The following ZSWIM9 variants were observed in gnomAD, a reference collection of about 807,000 sequenced individuals.
The protein encoded by ZSWIM9 is uncharacterized protein ZSWIM9.
In ZSWIM9, 11 loss-of-function variants were observed where a neutral mutation model predicts 25.0. The ratio of observed to expected loss-of-function variants is 0.44; its 90% CI spans 0.28 to 0.73. ZSWIM9 has a LOEUF of 0.73. ZSWIM9 is among the 30% of genes least tolerant of loss of function. ZSWIM9 has a pLI of 0.16. For synonymous variants in ZSWIM9, 562 were observed against 582.1 expected, an observed-to-expected ratio of 0.97 and a Z score of 0.50; for missense variants, 1,070 against 1,296.5, an observed-to-expected ratio of 0.83 and a Z score of 2.68.
Position 48,171,986 on chromosome 19 carries a change from C to T in ZSWIM9, c.184C>T (p.Pro62Ser). The T allele has an allele frequency of 5.2e-6, 8 of 1,531,630 alleles. No individual in the cohort carries two copies. Among genetic ancestry groups the T allele is most frequent in the Non-Finnish European group, 7.0e-6 (8 of 1,144,916 alleles). The allele number at this position is 1,531,630 out of a possible 1,614,324, so 94.9% of individuals were successfully genotyped here. Reference protein sequence around the residue: ...HLARCRWASAPPLYTLIDVLK... With the variant: ...HLARCRWASASPLYTLIDVLK... ...GGCGCGCTGCCGCTGGGCCAGTGCG[C>T]CCCCGCTCTACACGCTCATCGACGT... Residue 62 changes from proline to serine, a missense_variant, in exon 2 of 4, where the codon CCC becomes TCC. By Grantham distance (74) the Pro-to-Ser change is moderately conservative. This residue lies in a region of ZSWIM9 where 265 missense variants were observed against 339.0 expected (regional missense o/e 0.78). Coordinates refer to ENST00000614654, the MANE Select transcript of ZSWIM9 (RefSeq NM_199341.4).
rs901941175 is a variant in ZSWIM9 at position 48,197,344 on chromosome 19, T to C, written c.*517T>C. 1.2e-4 allele frequency: 85 copies of C among 691,570 alleles called. No individual in the cohort carries two copies. The highest frequency in any genetic ancestry group is 2.2e-4 in the Non-Finnish European group (82 of 379,586). 42.8% of individuals were successfully genotyped at this position (691,570 alleles called of 1,614,324 possible). A position where few individuals can be genotyped will look rare whatever the true frequency, so the allele number is the denominator to read the frequency against. On this transcript the variant is annotated 3_prime_UTR_variant, in exon 4 of 4. Coordinates refer to ENST00000614654, the MANE Select transcript of ZSWIM9 (RefSeq NM_199341.4). ...AAGCAAAGAGACAGAAATGAAGACA[T>C]GAGGAAAAGCTGGGGGAAGCAGGAG...
At chr19:48,176,079 G>A (rs190098696) in intron 2 of ZSWIM9, among the ~76,000 whole-genome samples, 84 of 152,266 alleles carry the variant, frequency 5.5e-4, no homozygotes, top group African/African-American at 2.0e-3. Context: ...GGTGGCAGGT[G>A]CCTGTAATCC....
chr19:48,175,624 G>C (rs185800389), intron 2 of ZSWIM9, among the ~76,000 whole-genome samples: 1 of 152,100 alleles, frequency 6.6e-6, no homozygotes, highest in South Asian at 2.1e-4. Context: ...CTCTGGGGCC[G>C]TGTGGGAGAC....
chr19:48,175,710 TC>T (rs2036885731), intron 2 of ZSWIM9, among the ~76,000 whole-genome samples: 1 of 152,032 alleles, frequency 6.6e-6, no homozygotes. Flanking sequence ...AGAACTTTCT[TC>T]CTGTCCACTC....
At chr19:48,178,151 G>C (rs1051107880) in intron 2 of ZSWIM9, among the ~76,000 whole-genome samples, 31 of 152,172 alleles carry the variant, frequency 2.0e-4, no homozygotes, top group Non-Finnish European at 7.3e-5. Context: ...GCCCGCCTTG[G>C]CCTCCCAAAG....
intron 3 of ZSWIM9, among the ~76,000 whole-genome samples, chr19:48,192,498 T>TATATATATATATATATACACACAC (rs369454865): frequency 1.4e-4 from 3 of 20,766 alleles, no homozygotes; most frequent in African/African-American, 2.8e-4. Flanking sequence ...TATATATATA[T>TATATATATATATATATACACACAC]ACACACACAC....
chr19:48,172,142 G>GGGGGGC, intron 2 of ZSWIM9, 65 bp downstream of exon 2: 4 of 546,392 alleles, frequency 7.3e-6, no homozygotes, highest in South Asian at 1.8e-5. Context: ...GTGTGGGTGG[G>GGGGGGC]AGACGGGCAG....
chr19:48,185,288 C>T (rs369019046), intron 3 of ZSWIM9, among the ~76,000 whole-genome samples: 2 of 151,940 alleles, frequency 1.3e-5, no homozygotes, highest in Admixed American at 6.6e-5. Flanking sequence ...TACAGGCATG[C>T]GCCACCATGC....
chr19:48,195,233 G>T lies in ZSWIM9; in HGVS notation c.1169G>T (p.Arg390Leu), dbSNP rs1478882492. The T allele has an allele frequency of 6.5e-7, 1 of 1,528,680 alleles. No individual in the cohort carries two copies. The highest frequency in any genetic ancestry group is 8.7e-7 in the Non-Finnish European group (1 of 1,142,888). The allele number at this position is 1,528,680 out of a possible 1,614,324, so 94.7% of individuals were successfully genotyped here. Residue 390 changes from arginine (R) to leucine (L), a missense_variant, in exon 4 of 4, where the codon CGC becomes CTC. Arg to Leu is a moderately radical substitution (Grantham distance 102). Around this residue, in one of 4 missense-constraint regions of ZSWIM9, gnomAD observed 184 missense variants for 243.1 expected, o/e 0.76. Coordinates refer to ENST00000614654, the MANE Select transcript of ZSWIM9 (RefSeq NM_199341.4). The surrounding 1 kb of genome is among the most constrained non-coding windows in gnomAD (Gnocchi z 5.8). ...NWEPRRDMWV[R>L]FRAFEAARDL... ...GAGCCCCGCCGCGACATGTGGGTCC[G>T]CTTCCGCGCCTTCGAGGCGGCCAGA...
chr19:48,187,496 ATATATTATAT>A (rs375158837), intron 3 of ZSWIM9, among the ~76,000 whole-genome samples: 109 of 53,852 alleles, frequency 2.0e-3, no homozygotes, highest in African/African-American at 6.1e-3. Flanking sequence ...TTATATTATA[ATATATTATAT>A]TATATTATAT....
rs1302004465 is a variant in ZSWIM9 at position 48,172,140 on chromosome 19, G to C, written c.275+63G>C. 4 of 1,333,182 alleles carry C rather than the reference G, an allele frequency of 3.0e-6. No individual in the cohort carries two copies. The East Asian group carries it at 1.0e-4, about 34-fold the overall frequency. The allele number at this position is 1,333,182 out of a possible 1,614,324, so 82.6% of individuals were successfully genotyped here. On this transcript the variant is annotated intron_variant, in intron 2 of 3. Transcript: ENST00000614654. ...GGGAGCACCGGGGGTGGGTGTGGGT[G>C]GGAGACGGGCAGAGAACACCCCACC...
chr19:48,195,107 G>T lies in ZSWIM9; in HGVS notation c.1043G>T (p.Arg348Leu). The change falls in exon 4 of 4, where the codon CGC (arginine) becomes CTC (leucine). Residue 348 changes from arginine (R) to leucine (L), a missense_variant. Physicochemically the swap from Arg to Leu is moderately radical, Grantham distance 102. This residue lies in a region of ZSWIM9 where 184 missense variants were observed against 243.1 expected (regional missense o/e 0.76). Transcript: ENST00000614654. The surrounding 1 kb of genome is among the most constrained non-coding windows in gnomAD (Gnocchi z 5.8). ...EDPGLWSRLCRLAGASSPAAY... is the reference protein window; with the variant it reads ...EDPGLWSRLCLLAGASSPAAY... ...CCGGGCCTGTGGTCGCGCCTGTGCCGCCTGGCTGGCGCGTCGTCGCCCGCA... is the reference window on the plus strand; with the variant it reads ...CCGGGCCTGTGGTCGCGCCTGTGCCTCCTGGCTGGCGCGTCGTCGCCCGCA... 6.8e-7 allele frequency: 1 copy of T among 1,462,410 alleles called. No homozygotes were observed. The highest frequency in any genetic ancestry group is 1.3e-5 in the South Asian group (1 of 78,348). 90.6% of individuals were successfully genotyped at this position (1,462,410 alleles called of 1,614,324 possible).
intron 2 of ZSWIM9, 23 bp downstream of exon 2, chr19:48,172,100 CCTG>C (rs1427835986): frequency 6.7e-7 from 1 of 1,488,110 alleles, no homozygotes; most frequent in Non-Finnish European, 8.9e-7. Flanking sequence ...GAGCCGCTGT[CCTG>C]CTGGGGGGAA....
At chr19:48,186,349 G>A (rs1284214879) in intron 3 of ZSWIM9, among the ~76,000 whole-genome samples, 1 of 151,850 alleles carries the variant, frequency 6.6e-6, no homozygotes, top group East Asian at 1.9e-4. Flanking sequence ...CACCCAGGCT[G>A]GAGTGCAGTG....
In ZSWIM9 at chr19:48,195,605, A is replaced by G. The variant is rs1568584503; in HGVS notation, c.1541A>G (p.Lys514Arg). The G allele has an allele frequency of 2.8e-6, 4 of 1,419,422 alleles. No individual in the cohort carries two copies. Among genetic ancestry groups the G allele is most frequent in the Non-Finnish European group, 3.7e-6 (4 of 1,092,454 alleles). 87.9% of individuals were successfully genotyped at this position (1,419,422 alleles called of 1,614,324 possible). A position where few individuals can be genotyped will look rare whatever the true frequency, so the allele number is the denominator to read the frequency against. The change falls in exon 4 of 4, where the codon AAG becomes AGG. Residue 514 changes from lysine to arginine, a missense_variant. This residue lies in a region of ZSWIM9 where 583 missense variants were observed against 624.7 expected (regional missense o/e 0.93). Coordinates refer to ENST00000614654, the MANE Select transcript of ZSWIM9 (RefSeq NM_199341.4). The surrounding 1 kb of genome is among the most constrained non-coding windows in gnomAD (Gnocchi z 5.8). The part of the protein sequence containing the change: ...DWGGAQFEGE[K>R]GRALQIRDWR... The stretch of plus-strand genomic sequence containing the variant: ...GGCGGGGCTCAGTTCGAAGGTGAGA[A>G]GGGGAGGGCACTGCAGATCAGAGAT...
chr19:48,172,795 G>T (rs1178513565), intron 2 of ZSWIM9, among the ~76,000 whole-genome samples: 1 of 152,106 alleles, frequency 6.6e-6, no homozygotes, highest in Non-Finnish European at 1.5e-5. Context: ...GATTACAGCC[G>T]CGAGCCACTG....
At chr19:48,175,941 C>G (rs2036888367) in intron 2 of ZSWIM9, among the ~76,000 whole-genome samples, 1 of 152,226 alleles carries the variant, frequency 6.6e-6, no homozygotes, top group African/African-American at 2.4e-5. Flanking sequence ...TGCGGTGGCT[C>G]TCGCCTGTAA....
intron 2 of ZSWIM9, among the ~76,000 whole-genome samples, chr19:48,179,669 C>T (rs1364181457): frequency 1.3e-5 from 2 of 152,188 alleles, no homozygotes; most frequent in African/African-American, 4.8e-5. Context: ...GAAACACCAT[C>T]ATAGATGGCA....
intron 2 of ZSWIM9, among the ~76,000 whole-genome samples, chr19:48,178,094 G>C (rs1226101265): frequency 2.6e-5 from 4 of 152,038 alleles, no homozygotes; most frequent in Non-Finnish European, 4.4e-5. Flanking sequence ...GATGGGGTTT[G>C]CCTATGTTGG....
Sources: allele counts gnomAD v4.1 joint callset (sites outside exome capture counted in the v4.1 genomes callset), GRCh38; gene constraint gnomAD v4.1.1; regional missense constraint gnomAD v4.1.1; non-coding constraint Gnocchi (gnomAD v3.1); transcripts MANE v1.5; gene names NCBI Gene and HGNC (gene_info 2026-07-23, HGNC 2026-07-21).